Variants in ATP13A5 observed in about 807,000 individuals in gnomAD.
ATP13A5 encodes ATPase 13A5.
Under a neutral mutation model 150.2 loss-of-function variants are expected in ATP13A5, and 149 were observed. That is an observed-to-expected ratio of 0.99 (90% CI 0.87 to 1.14). ATP13A5 has a LOEUF of 1.14. Ranked by LOEUF, ATP13A5 falls within the 50% of genes most tolerant of loss-of-function variation. The pLI, the probability that ATP13A5 is intolerant of heterozygous loss-of-function variation, is 0.00. For synonymous variants in ATP13A5, 497 were observed against 522.2 expected, an observed-to-expected ratio of 0.95 and a Z score of 0.66; for missense variants, 1,383 against 1,449.3, an observed-to-expected ratio of 0.95 and a Z score of 0.74.
intron 25 of ATP13A5, among the ~76,000 whole-genome samples, chr3:193,295,241 C>T (rs530384633): frequency 6.6e-6 from 1 of 152,026 alleles, no homozygotes; most frequent in Non-Finnish European, 1.5e-5. Context: ...AAAGCTCATA[C>T]CCCATATTTA....
rs1299347942 is a variant in ATP13A5, at chr3:193,354,185, C to T, written c.548G>A (p.Cys183Tyr). 1 of 1,612,460 alleles carries T rather than the reference C, an allele frequency of 6.2e-7. No individual in the cohort carries two copies. Among genetic ancestry groups the T allele is most frequent in the Non-Finnish European group, 8.5e-7 (1 of 1,179,538 alleles). ...SEEQEVRRLV[C>Y]GPNAIEVEIQ... ...TTCAACCTCAATGGCGTTGGGCCCA[C>T]ACACTAATCTTCTGCGGGAAATTGA... Residue 183 changes from cysteine to tyrosine, a missense_variant, in exon 6 of 30, where the codon TGT becomes TAT. Transcript: ENST00000342358.
At chr3:193,375,006 C>T (rs1346994421) in intron 1 of ATP13A5, among the ~76,000 whole-genome samples, 1 of 152,170 alleles carries the variant, frequency 6.6e-6, no homozygotes. Context: ...AACTTCCCAG[C>T]CTCCAGAACA....
chr3:193,374,094 G>A (rs1356618317), intron 1 of ATP13A5, among the ~76,000 whole-genome samples: 2 of 152,162 alleles, frequency 1.3e-5, no homozygotes, highest in East Asian at 3.9e-4. Context: ...CACGGGAGCT[G>A]CTGAAACAGA....
intron 14 of ATP13A5, 47 bp from the exon 15 acceptor site, chr3:193,322,621 TAAGA>T (rs748801958): frequency 1.1e-5 from 15 of 1,327,570 alleles, no homozygotes; most frequent in Middle Eastern, 4.2e-4. Context: ...ATAAAAATAT[TAAGA>T]AAGAAATATC....
intron 12 of ATP13A5, among the ~76,000 whole-genome samples, chr3:193,329,486 C>T (rs1335178058): frequency 6.6e-6 from 1 of 151,882 alleles, no homozygotes. Context: ...ATTTTAGAAA[C>T]AGTTGAATAT....
At chr3:193,333,462 G>T (rs1711720672) in intron 11 of ATP13A5, among the ~76,000 whole-genome samples, 1 of 152,134 alleles carries the variant, frequency 6.6e-6, no homozygotes, top group Admixed American at 6.5e-5. Context: ...AGCTTAAAGG[G>T]AAGTAGGTAT....
At chr3:193,277,838 G>C (rs1314222281) in intron 28 of ATP13A5, 2 of 152,138 alleles carry the variant, frequency 1.3e-5, no homozygotes, top group African/African-American at 4.8e-5. Context: ...TTGTTTGTTT[G>C]TTTAATTTTG....
intron 5 of ATP13A5, among the ~76,000 whole-genome samples, chr3:193,357,996 A>G (rs923258775): frequency 1.3e-5 from 2 of 152,150 alleles, no homozygotes; most frequent in African/African-American, 4.8e-5. Context: ...TAACTTACCA[A>G]TAATTGTTAA....
At chr3:193,376,711 G>A (rs1713657412) in intron 1 of ATP13A5, among the ~76,000 whole-genome samples, 1 of 152,080 alleles carries the variant, frequency 6.6e-6, no homozygotes, top group African/African-American at 2.4e-5. Flanking sequence ...CCCACCTTCT[G>A]ATAGGCCCCA....
Position 193,305,575 on chromosome 3 carries a change from C to A in ATP13A5, c.2662G>T (p.Val888Leu). The change falls in exon 23 of 30, where the codon GTG becomes TTG. Residue 888 changes from valine (V) to leucine (L), a missense_variant. This residue lies in a region of ATP13A5 where 568 missense variants were observed against 621.5 expected (regional missense o/e 0.91). Transcript: ENST00000342358. ...FTSKTTNIQC[V>L]PHLIREGRAA... is the part of the protein sequence containing the mutation. ...ATGACTTACCTGATGAGATGAGGCA[C>A]ACACTGGATGTTGGTTGTTTTAGAG... The A allele has an allele frequency of 6.2e-7, 1 of 1,613,762 alleles. No individual in the cohort carries two copies. Among genetic ancestry groups the A allele is most frequent in the Non-Finnish European group, 8.5e-7 (1 of 1,179,728 alleles).
intron 7 of ATP13A5, among the ~76,000 whole-genome samples, chr3:193,350,289 A>G (rs1712515206): frequency 6.6e-6 from 1 of 152,074 alleles, no homozygotes; most frequent in African/African-American, 2.4e-5. Flanking sequence ...TATATCTGGG[A>G]CCTTCGTGTT....
At chr3:193,361,069 G>A (rs541977448) in intron 5 of ATP13A5, among the ~76,000 whole-genome samples, 3 of 152,266 alleles carry the variant, frequency 2.0e-5, no homozygotes, top group Admixed American at 2.0e-4. Context: ...GCACTGACAG[G>A]AAATCTTTCC....
chr3:193,330,285 C>A (rs1375788995), intron 12 of ATP13A5, among the ~76,000 whole-genome samples: 1 of 152,244 alleles, frequency 6.6e-6, no homozygotes, highest in African/African-American at 2.4e-5. Context: ...CATTTTCCTG[C>A]TTTCTCAGCT....
At chr3:193,290,640 G>C (rs1717913712) in intron 25 of ATP13A5, among the ~76,000 whole-genome samples, 1 of 152,108 alleles carries the variant, frequency 6.6e-6, no homozygotes, top group Non-Finnish European at 1.5e-5. Flanking sequence ...GCTGATGTAT[G>C]TTACATTAAG....
At chr3:193,292,133 G>T (rs1717978208) in intron 25 of ATP13A5, among the ~76,000 whole-genome samples, 1 of 152,162 alleles carries the variant, frequency 6.6e-6, no homozygotes, top group Non-Finnish European at 1.5e-5. Flanking sequence ...GGTGTCAGAA[G>T]CCATTGCTTG....
chr3:193,315,579 G>A (rs1223720340), intron 17 of ATP13A5, among the ~76,000 whole-genome samples: 1 of 152,116 alleles, frequency 6.6e-6, no homozygotes, highest in East Asian at 1.9e-4. Flanking sequence ...ATCAGACAGG[G>A]CTCTGAACAG....
chr3:193,336,274 C>T (rs926674747), intron 9 of ATP13A5, among the ~76,000 whole-genome samples: 3 of 152,112 alleles, frequency 2.0e-5, no homozygotes, highest in African/African-American at 7.2e-5. Flanking sequence ...TTCTAGGGTA[C>T]ATGTGCACAA....
At chr3:193,289,387 G>A (rs1393597390) in intron 26 of ATP13A5, among the ~76,000 whole-genome samples, 1 of 152,098 alleles carries the variant, frequency 6.6e-6, no homozygotes, top group Non-Finnish European at 1.5e-5. Flanking sequence ...TCTCTCATAT[G>A]TCTATATCAG....
chr3:193,347,800 T>G (rs1345933321), intron 7 of ATP13A5, among the ~76,000 whole-genome samples: 1 of 152,150 alleles, frequency 6.6e-6, no homozygotes, highest in Non-Finnish European at 1.5e-5. Flanking sequence ...AAAGGCCTAC[T>G]CAAATGTCAC....
Sources: allele counts gnomAD v4.1 joint callset (sites outside exome capture counted in the v4.1 genomes callset), GRCh38; gene constraint gnomAD v4.1.1; regional missense constraint gnomAD v4.1.1; transcripts MANE v1.5; gene names NCBI Gene and HGNC (gene_info 2026-07-23, HGNC 2026-07-21).